The following SYTL5 variants were observed in gnomAD, a reference collection of about 807,000 sequenced individuals.
SYTL5 encodes the protein synaptotagmin like 5, also known as synaptotagmin-like protein 5.
A neutral mutation model predicts 55.9 loss-of-function variants in SYTL5; 34 were observed. The ratio of observed to expected loss-of-function variants is 0.61; its 90% CI spans 0.46 to 0.81. The LOEUF (loss-of-function observed/expected upper bound fraction) is 0.81, where lower values mean the gene tolerates loss of function less well. Ranked by LOEUF, SYTL5 falls within the 30% of genes least tolerant of loss-of-function variation. SYTL5 has a pLI of 0.00. For missense variants in SYTL5, 637 were observed against 546.7 expected, an observed-to-expected ratio of 1.17 and a Z score of -1.65; for synonymous variants, 221 against 188.7, an observed-to-expected ratio of 1.17 and a Z score of -1.40.
chrX:37,940,036 A>G, the SYTL5 span, among the ~76,000 whole-genome samples: 5 of 110,031 alleles, frequency 4.5e-5, no homozygotes, highest in East Asian at 8.5e-4. Context: ...AGGTTTCACC[A>G]TGTTGGCCAG....
At chrX:38,044,165 A>T (rs1221842950) in intron 2 of SYTL5, among the ~76,000 whole-genome samples, 1 of 111,567 alleles carries the variant, frequency 9.0e-6, no homozygotes, top group Admixed American at 9.5e-5. Flanking sequence ...CACATAAAGG[A>T]AACATTTATA....
chrX:37,924,089 A>G, the SYTL5 span, among the ~76,000 whole-genome samples: 2 of 111,658 alleles, frequency 1.8e-5, no homozygotes, highest in South Asian at 7.6e-4. Flanking sequence ...GACACAATAT[A>G]AATAAATACA....
chrX:38,057,839 C>T (rs890512470), intron 3 of SYTL5, among the ~76,000 whole-genome samples: 4 of 111,361 alleles, frequency 3.6e-5, no homozygotes, highest in Non-Finnish European at 5.7e-5. Context: ...ATATATTCTA[C>T]GTACAAGCTA....
chrX:37,969,127 T>G, the SYTL5 span, among the ~76,000 whole-genome samples: 1 of 111,489 alleles, frequency 9.0e-6, no homozygotes, highest in African/African-American at 3.3e-5. Context: ...TAAATAGATC[T>G]TTAAGCAAAA....
At chrX:37,917,761 G>T in the SYTL5 span, among the ~76,000 whole-genome samples, 1 of 111,463 alleles carries the variant, frequency 9.0e-6, no homozygotes, top group African/African-American at 3.3e-5. Context: ...TTAGCAAATA[G>T]CTATCATTCT....
At chrX:38,054,515 A>T in intron 3 of SYTL5, 93 bp downstream of exon 3, 1 of 864,771 alleles carries the variant, frequency 1.2e-6, no homozygotes, top group Non-Finnish European at 1.6e-6. Flanking sequence ...TTTTAAGTTT[A>T]AGGATAGAGA....
chrX:37,996,488 C>T, the SYTL5 span, among the ~76,000 whole-genome samples: 2 of 112,574 alleles, frequency 1.8e-5, no homozygotes, highest in African/African-American at 6.4e-5. Flanking sequence ...CCCAAGTGGG[C>T]AAGGACAGAG....
chrX:37,943,867 C>T, the SYTL5 span, among the ~76,000 whole-genome samples: 1 of 111,009 alleles, frequency 9.0e-6, no homozygotes, highest in Admixed American at 9.6e-5. Flanking sequence ...TAAGCCTAAA[C>T]AAAACAAACA....
chrX:37,929,489 G>A, the SYTL5 span, among the ~76,000 whole-genome samples: 10 of 112,184 alleles, frequency 8.9e-5, no homozygotes, highest in Non-Finnish European at 1.9e-4. Flanking sequence ...ATAGCCTACT[G>A]TTTATTTTGC....
intron 7 of SYTL5, among the ~76,000 whole-genome samples, chrX:38,093,914 C>G (rs1489936860): frequency 9.0e-6 from 1 of 110,664 alleles, no homozygotes; most frequent in Non-Finnish European, 1.9e-5. Flanking sequence ...TAGGACCAAA[C>G]AGAGTTCTAA....
chrX:37,998,950 G>T, the SYTL5 span, among the ~76,000 whole-genome samples: 1 of 112,137 alleles, frequency 8.9e-6, no homozygotes, highest in Non-Finnish European at 1.9e-5. Context: ...GCACTCCTCA[G>T]ATTATTTATG....
At chrX:38,114,945 T>A (rs1011623718) in intron 13 of SYTL5, among the ~76,000 whole-genome samples, 3 of 111,922 alleles carry the variant, frequency 2.7e-5, no homozygotes, top group Non-Finnish European at 5.6e-5. Context: ...ATAAGTGAGG[T>A]CATGCAGTGT....
chrX:38,023,841 T>C (rs1413583192), intron 1 of SYTL5: 1 of 110,418 alleles, frequency 9.1e-6, no homozygotes, highest in Non-Finnish European at 1.9e-5. Context: ...GTAGAAGTAG[T>C]CTTCTCTTTA....
At chrX:37,944,608 C>G in the SYTL5 span, among the ~76,000 whole-genome samples, 1 of 111,420 alleles carries the variant, frequency 9.0e-6, no homozygotes, top group Non-Finnish European at 1.9e-5. Context: ...AGGGTCATTC[C>G]ATGAATGCGG....
At chrX:38,112,213 G>A (rs1004700397) in intron 13 of SYTL5, among the ~76,000 whole-genome samples, 3 of 111,345 alleles carry the variant, frequency 2.7e-5, no homozygotes, top group East Asian at 2.8e-4. Context: ...GACTTCCCTC[G>A]GGCTACTGTA....
At chrX:38,099,371 A>G (rs1016289130) in intron 9 of SYTL5, among the ~76,000 whole-genome samples, 1 of 111,439 alleles carries the variant, frequency 9.0e-6, no homozygotes, top group African/African-American at 3.2e-5. Context: ...GTATACCAAG[A>G]AAGAGCAAAA....
At chrX:37,999,282 TATTATTTTAGGAGTATGATTTTAA>T in the SYTL5 span, among the ~76,000 whole-genome samples, 40 of 112,761 alleles carry the variant, frequency 3.5e-4, no homozygotes, top group African/African-American at 1.3e-3. Context: ...TATTGTATTC[TATTATTTTAGGAGTATGATTTTAA>T]ATGTAATGAA....
chrX:38,077,991 C>T (rs1269895994), intron 6 of SYTL5, among the ~76,000 whole-genome samples: 1 of 111,311 alleles, frequency 9.0e-6, no homozygotes, highest in Non-Finnish European at 1.9e-5. Context: ...TATGATCATG[C>T]CACTGCACTC....
chrX:38,031,167 C>T (rs1329946111), intron 1 of SYTL5, among the ~76,000 whole-genome samples: 2 of 111,284 alleles, frequency 1.8e-5, no homozygotes, highest in Non-Finnish European at 3.8e-5. Context: ...CAGCTTAAGA[C>T]TAGCCTCACA....
Sources: gnomAD v4.1 joint callset for allele counts (sites outside exome capture counted in the v4.1 genomes callset) on GRCh38, gnomAD v4.1.1 for gene constraint, MANE v1.5 for transcripts, NCBI Gene and HGNC (gene_info 2026-07-23, HGNC 2026-07-21) for gene names.